The following MAML2 variants were observed in gnomAD, a reference collection of about 807,000 sequenced individuals.
The protein encoded by MAML2 is mastermind like transcriptional coactivator 2, also known as mastermind-like protein 2.
In MAML2, 22 loss-of-function variants were observed where a neutral mutation model predicts 96.1. The ratio of observed to expected loss-of-function variants is 0.23; its 90% confidence interval spans 0.16 to 0.33. MAML2 has a LOEUF of 0.33. MAML2 is among the 10% of genes least tolerant of loss of function. The pLI is 1.00. For missense variants in MAML2, 1,367 were observed against 1,392.4 expected, an observed-to-expected ratio of 0.98 and a Z score of 0.29; for synonymous variants, 561 against 521.3, an observed-to-expected ratio of 1.08 and a Z score of -1.04.
chr11:96,146,013 A>C (rs1860811172), intron 1 of MAML2, among the ~76,000 whole-genome samples: 1 of 152,224 alleles, frequency 6.6e-6, no homozygotes, highest in South Asian at 2.1e-4. Flanking sequence ...CGTCTCAAAA[A>C]AAAAAATTGT....
chr11:96,241,080 A>T (rs983182830), intron 1 of MAML2, among the ~76,000 whole-genome samples: 11 of 152,336 alleles, frequency 7.2e-5, no homozygotes, highest in African/African-American at 2.6e-4. Context: ...AAGATTCTGC[A>T]ATTATTTTTT....
chr11:96,075,655 G>T (rs1859423027), intron 2 of MAML2, among the ~76,000 whole-genome samples: 1 of 152,208 alleles, frequency 6.6e-6, no homozygotes, highest in African/African-American at 2.4e-5. Context: ...AGCTGAGCTA[G>T]GGGAAGTCGG....
At position 96,095,134 on chromosome 11, in the gene MAML2, A is replaced by T. The variant is rs560370976; in HGVS notation, c.514-1617T>A. 2.0e-5 allele frequency among the ~76,000 whole-genome samples: 3 copies of T among 152,286 alleles called. No homozygotes were observed. In the South Asian group the frequency reaches 6.2e-4, roughly 32 times the overall value. ...CTCAAAGTTTGTGTGGTTCTAAAGCATATGTCATTTACACTCTAACATGCT... is the reference window on the plus strand; with the variant it reads ...CTCAAAGTTTGTGTGGTTCTAAAGCTTATGTCATTTACACTCTAACATGCT... On this transcript the variant is annotated intron_variant, in intron 1 of 4. Coordinates refer to ENST00000524717, the MANE Select transcript of MAML2 (RefSeq NM_032427.4).
intron 2 of MAML2, among the ~76,000 whole-genome samples, chr11:96,086,836 C>T (rs1859623641): frequency 6.6e-6 from 1 of 152,156 alleles, no homozygotes; most frequent in South Asian, 2.1e-4. Flanking sequence ...TCAGATAAGG[C>T]AAGGTCAGTG....
At chr11:96,341,332 A>C in intron 1 of MAML2, 51 bp downstream of exon 1, 1 of 1,471,984 alleles carries the variant, frequency 6.8e-7, no homozygotes, top group Middle Eastern at 1.8e-4. Context: ...CTCTACCCTC[A>C]CAAAAGGTCA....
intron 1 of MAML2, among the ~76,000 whole-genome samples, chr11:96,266,637 T>A (rs201273958): frequency 1.3e-5 from 2 of 152,112 alleles, no homozygotes; most frequent in Non-Finnish European, 2.9e-5. Context: ...TGAAATTGAC[T>A]ACCTCTCTAA....
At chr11:96,330,559 G>A (rs567218082) in intron 1 of MAML2, among the ~76,000 whole-genome samples, 6 of 152,286 alleles carry the variant, frequency 3.9e-5, no homozygotes, top group South Asian at 4.1e-4. Flanking sequence ...AAACAATGAC[G>A]CAATATTTCT....
chr11:96,291,213 C>T (rs1288846319), intron 1 of MAML2, among the ~76,000 whole-genome samples: 1 of 149,660 alleles, frequency 6.7e-6, no homozygotes, highest in Non-Finnish European at 1.5e-5. Flanking sequence ...GTAACCTCCG[C>T]CTCCCAGGTT....
At chr11:96,185,519 G>C (rs1861560801) in intron 1 of MAML2, among the ~76,000 whole-genome samples, 2 of 152,170 alleles carry the variant, frequency 1.3e-5, no homozygotes, top group Admixed American at 6.5e-5. Context: ...ATGACTGGAG[G>C]ATTGTTCATG....
chr11:96,275,449 T>C (rs1258115343), intron 1 of MAML2, among the ~76,000 whole-genome samples: 2 of 152,002 alleles, frequency 1.3e-5, no homozygotes, highest in Non-Finnish European at 2.9e-5. Context: ...AGCTAATTTT[T>C]GTATTTTTAG....
chr11:96,274,562 C>T lies in MAML2; in HGVS notation c.513+66821G>A, dbSNP rs756788038. ...TATGTAGTTATTTCTATTATGAAAACTTTAAAAACCAGAAATATTAAATTA... is the reference window on the plus strand; with the variant it reads ...TATGTAGTTATTTCTATTATGAAAATTTTAAAAACCAGAAATATTAAATTA... On this transcript the variant is annotated intron_variant, in intron 1 of 4. Transcript: ENST00000524717. Among the ~76,000 whole-genome samples, 53 of 152,070 alleles carry T rather than the reference C, an allele frequency of 3.5e-4. No homozygotes were observed. The Middle Eastern group carries it at 0.01, about 29-fold the overall frequency.
intron 2 of MAML2, among the ~76,000 whole-genome samples, chr11:96,060,484 A>G (rs1358215758): frequency 6.6e-6 from 1 of 151,824 alleles, no homozygotes; most frequent in Non-Finnish European, 1.5e-5. Flanking sequence ...TATTTATGTT[A>G]TCGCCCAGTA....
intron 1 of MAML2, among the ~76,000 whole-genome samples, chr11:96,244,846 A>G (rs1377615720): frequency 6.6e-6 from 1 of 152,090 alleles, no homozygotes; most frequent in Admixed American, 6.5e-5. Flanking sequence ...AATCACCCAC[A>G]CACCCATGCC....
intron 2 of MAML2, among the ~76,000 whole-genome samples, chr11:96,046,891 C>A (rs1858910472): frequency 6.6e-6 from 1 of 152,200 alleles, no homozygotes; most frequent in Admixed American, 6.5e-5. Flanking sequence ...TACACTAAAG[C>A]TCTCTCAAAA....
At chr11:96,323,484 A>G (rs1476546760) in intron 1 of MAML2, among the ~76,000 whole-genome samples, 2 of 26,588 alleles carry the variant, frequency 7.5e-5, no homozygotes, top group African/African-American at 3.5e-4. Context: ...CAAAATGCTG[A>G]AAAAAAAAAA....
intron 1 of MAML2, among the ~76,000 whole-genome samples, chr11:96,319,626 T>C (rs1863676505): frequency 6.6e-6 from 1 of 152,180 alleles, no homozygotes; most frequent in Non-Finnish European, 1.5e-5. Flanking sequence ...TTGCTACTCA[T>C]TGAATTAGTT....
rs1555018442 is a variant in MAML2, at chr11:96,166,177, T to TCACA, written c.514-72664_514-72661dup. Among the ~76,000 whole-genome samples, 329 of 110,372 alleles carry TCACA rather than the reference T, an allele frequency of 3.0e-3. 1 individual carries two copies. Among genetic ancestry groups the TCACA allele is most frequent in the African/African-American group, 9.3e-3 (266 of 28,646 alleles). The allele number at this position is 110,372 out of a possible 152,430, so 72.4% of individuals were successfully genotyped here. ...CTGTCTCTCTCTCTCTCTCTCTCTC[T>TCACA]CACACACACACACACACACACACAC... On this transcript the variant is annotated intron_variant, in intron 1 of 4. Coordinates refer to ENST00000524717, the MANE Select transcript of MAML2 (RefSeq NM_032427.4).
At chr11:96,148,082 C>G (rs191894423) in intron 1 of MAML2, among the ~76,000 whole-genome samples, 2 of 152,172 alleles carry the variant, frequency 1.3e-5, no homozygotes, top group Non-Finnish European at 2.9e-5. Context: ...ATCTCTCCTG[C>G]GTATACACGA....
intron 1 of MAML2, among the ~76,000 whole-genome samples, chr11:96,268,198 G>C (rs1037561191): frequency 1.3e-5 from 2 of 152,140 alleles, no homozygotes; most frequent in Non-Finnish European, 2.9e-5. Context: ...AAGTAGGCTG[G>C]GTGCACTGAC....
Sources: gnomAD v4.1 joint callset for allele counts (sites outside exome capture counted in the v4.1 genomes callset) on GRCh38, gnomAD v4.1.1 for gene constraint, MANE v1.5 for transcripts, NCBI Gene and HGNC (gene_info 2026-07-23, HGNC 2026-07-21) for gene names.